The following KLF6 variants were observed in gnomAD, a reference collection of about 807,000 sequenced individuals.
The protein encoded by KLF6 is Krueppel-like factor 6.
For missense variants in KLF6, 233 were observed against 359.8 expected, an observed-to-expected ratio of 0.65 and a Z score of 2.85; for synonymous variants, 152 against 147.9, an observed-to-expected ratio of 1.03 and a Z score of -0.20.
At position 3,777,398 on chromosome 10, in the gene KLF6, T is replaced by A. The variant is rs1481673368; in HGVS notation, c.*2141A>T. The A allele has an allele frequency of 2.0e-6, 1 of 511,256 alleles. No individual in the cohort carries two copies. The highest frequency in any genetic ancestry group is 2.3e-5 in the Admixed American group (1 of 44,260). The allele number at this position is 511,256 out of a possible 1,614,324, so 31.7% of individuals were successfully genotyped here. A position where few individuals can be genotyped will look rare whatever the true frequency, so the allele number is the denominator to read the frequency against. ...GTGTTCTACAAAAGAATCCCTGTGG[T>A]TAGCTTACTCTTAGGTTAGATCTTC... On this transcript the variant is annotated 3_prime_UTR_variant, in exon 4 of 4. Coordinates refer to ENST00000497571, the MANE Select transcript of KLF6 (RefSeq NM_001300.6).
rs1028325212 is a variant in KLF6, at chr10:3,777,302, C to T, written c.*2237G>A. ...CTGTCCACGCCGTGGTATGCCAATT[C>T]GGGGAAATTACTCCTTGGAAAAACT... On this transcript the variant is annotated 3_prime_UTR_variant, in exon 4 of 4. Transcript: ENST00000497571. 1 of 513,928 alleles carries T rather than the reference C, an allele frequency of 1.9e-6. No individual in the cohort carries two copies. Among genetic ancestry groups the T allele is most frequent in the African/African-American group, 1.9e-5 (1 of 52,604 alleles). The allele number at this position is 513,928 out of a possible 1,614,324, so 31.8% of individuals were successfully genotyped here.
chr10:3,783,864 G>A (rs887428417), intron 1 of KLF6, among the ~76,000 whole-genome samples: 8 of 152,244 alleles, frequency 5.3e-5, no homozygotes, highest in Admixed American at 3.3e-4. Context: ...ACGCCCGAAG[G>A]AAACTACTTA....
chr10:3,780,535 C>T lies in KLF6; in HGVS notation c.677-306G>A, dbSNP rs1236823606. ...AAATGCTTGCGGGATGAGGTGTCAG[C>T]CTGCCGGACCCACAGCCCCGGCAAA... On this transcript the variant is annotated intron_variant, in intron 2 of 3. Transcript: ENST00000497571. The surrounding 1 kb of genome is among the most constrained non-coding windows in gnomAD (Gnocchi z 4.6). 8.9e-6 allele frequency: 4 copies of T among 450,236 alleles called. No homozygotes were observed. Among genetic ancestry groups the T allele is most frequent in the Non-Finnish European group, 1.7e-5 (4 of 241,258 alleles). The allele number at this position is 450,236 out of a possible 1,614,324, so 27.9% of individuals were successfully genotyped here.
rs984457562 is a variant in KLF6, at chr10:3,777,480, C to G, written c.*2059G>C. Reference sequence around the variant, plus strand: ...AGTGTGTCCGAGTCCAGCCTGGGTTCCAGCATTCTGTTCAGGCCACTTCTG... The same window carrying G: ...AGTGTGTCCGAGTCCAGCCTGGGTTGCAGCATTCTGTTCAGGCCACTTCTG... On this transcript the variant is annotated 3_prime_UTR_variant, in exon 4 of 4. Coordinates refer to ENST00000497571, the MANE Select transcript of KLF6 (RefSeq NM_001300.6). 5 of 512,502 alleles carry G rather than the reference C, an allele frequency of 9.8e-6. No individual in the cohort carries two copies. Among genetic ancestry groups the G allele is most frequent in the African/African-American group, 9.5e-5 (5 of 52,628 alleles). 31.7% of individuals were successfully genotyped at this position (512,502 alleles called of 1,614,324 possible).
Position 3,777,803 on chromosome 10 carries a change from A to G in KLF6, c.*1736T>C. On this transcript the variant is annotated 3_prime_UTR_variant, in exon 4 of 4. Coordinates refer to ENST00000497571, the MANE Select transcript of KLF6 (RefSeq NM_001300.6). ...ATACACATACTGTACACACAAATAT[A>G]CATACACAAGAATTCTGCCCACTTT... The G allele has an allele frequency of 2.1e-6, 1 of 473,776 alleles. No homozygotes were observed. Among genetic ancestry groups the G allele is most frequent in the Non-Finnish European group, 4.2e-6 (1 of 240,378 alleles). The allele number at this position is 473,776 out of a possible 1,614,324, so 29.3% of individuals were successfully genotyped here.
chr10:3,778,788 A>G lies in KLF6; in HGVS notation c.*751T>C, dbSNP rs1221491757. The G allele has an allele frequency of 5.6e-6, 3 of 531,642 alleles. No homozygotes were observed. The highest frequency in any genetic ancestry group is 1.1e-5 in the Non-Finnish European group (3 of 274,718). The allele number at this position is 531,642 out of a possible 1,614,324, so 32.9% of individuals were successfully genotyped here. ...TGCATGACTTTTTGTATTCTAAGGAAAAGTTAAATTGTTGTGTTATATTTG... is the reference window on the plus strand; with the variant it reads ...TGCATGACTTTTTGTATTCTAAGGAGAAGTTAAATTGTTGTGTTATATTTG... On this transcript the variant is annotated 3_prime_UTR_variant, in exon 4 of 4. Transcript: ENST00000497571.
rs1430505212 is a variant in KLF6 at position 3,776,166 on chromosome 10, G to A, written c.*3373C>T. On this transcript the variant is annotated 3_prime_UTR_variant, in exon 4 of 4. Transcript: ENST00000497571. Reference sequence around the variant, plus strand: ...GGAAGGTAGGCCCAGCTCTAGCTGCGGAACTGGAGCAGGCTGTGGAGGCAC... The same window carrying A: ...GGAAGGTAGGCCCAGCTCTAGCTGCAGAACTGGAGCAGGCTGTGGAGGCAC... 9 of 530,754 alleles carry A rather than the reference G, an allele frequency of 1.7e-5. No individual in the cohort carries two copies. The highest frequency in any genetic ancestry group is 7.7e-5 in the South Asian group (5 of 65,152). 32.9% of individuals were successfully genotyped at this position (530,754 alleles called of 1,614,324 possible).
In KLF6 at chr10:3,777,738, T is replaced by G. The variant is rs1283976468; in HGVS notation, c.*1801A>C. On this transcript the variant is annotated 3_prime_UTR_variant, in exon 4 of 4. Coordinates refer to ENST00000497571, the MANE Select transcript of KLF6 (RefSeq NM_001300.6). ...TCTAGTTTCTCCTTAAAAAAAATAT[T>G]TATATATTATCTATATATATAATAT... The G allele has an allele frequency of 1.2e-5, 4 of 332,226 alleles. No individual in the cohort carries two copies. The highest frequency in any genetic ancestry group is 2.3e-5 in the Non-Finnish European group (4 of 174,008). 20.6% of individuals were successfully genotyped at this position (332,226 alleles called of 1,614,324 possible). A position where few individuals can be genotyped will look rare whatever the true frequency, so the allele number is the denominator to read the frequency against.
rs1206904490 is a variant in KLF6, at chr10:3,778,662, G to C, written c.*877C>G. On this transcript the variant is annotated 3_prime_UTR_variant, in exon 4 of 4. Transcript: ENST00000497571. ...ATATTGCCAGGCCCGGATGGCTAGG[G>C]GGTCACTGTATTAGACAGATTGGAT... 2 of 521,412 alleles carry C rather than the reference G, an allele frequency of 3.8e-6. No individual in the cohort carries two copies. The highest frequency in any genetic ancestry group is 2.3e-5 in the Admixed American group (1 of 44,130). The allele number at this position is 521,412 out of a possible 1,614,324, so 32.3% of individuals were successfully genotyped here. A position where few individuals can be genotyped will look rare whatever the true frequency, so the allele number is the denominator to read the frequency against.
rs121909144 is a variant in KLF6 at position 3,781,852 on chromosome 10, G to A, written c.465C>T (p.Ser155=). Residue 155 remains serine (S), a synonymous_variant, in exon 2 of 4, where the codon AGC becomes AGT. Coordinates refer to ENST00000497571, the MANE Select transcript of KLF6 (RefSeq NM_001300.6). This position sits in a 1 kb window ranked among gnomAD's most constrained non-coding sequence, Gnocchi z 5.8. ...AACCCCACAGTTGAGAAGGTTCCCTGCTCAGTTCCGGAGAAGATGGAGGCG... is the reference window on the plus strand; with the variant it reads ...AACCCCACAGTTGAGAAGGTTCCCTACTCAGTTCCGGAGAAGATGGAGGCG... ...TSTPPSSPEL[S]REPSQLWGCV... The A allele has an allele frequency of 1.2e-6, 2 of 1,614,214 alleles. No homozygotes were observed. The highest frequency in any genetic ancestry group is 1.7e-6 in the Non-Finnish European group (2 of 1,180,030).
Position 3,781,881 on chromosome 10 carries a change from A to T in KLF6, c.436T>A (p.Ser146Thr), listed in dbSNP as rs1405050966. 2.5e-6 allele frequency: 4 copies of T among 1,614,202 alleles called. No homozygotes were observed. The South Asian group carries it at 4.4e-5, about 18-fold the overall frequency. ...AGTTCCGGAGAAGATGGAGGCGTGG[A>T]GGTGACAGAGGAGCTCAATTTTCCC... is the stretch of plus-strand genomic sequence containing the variant. The part of the protein sequence containing the change: ...SSGKLSSSVT[S>T]TPPSSPELSR... Residue 146 changes from serine to threonine, a missense_variant, in exon 2 of 4, where the codon TCC becomes ACC. Ser to Thr is a moderately conservative substitution (Grantham distance 58, BLOSUM62 1). Coordinates refer to ENST00000497571, the MANE Select transcript of KLF6 (RefSeq NM_001300.6). The surrounding 1 kb of genome is among the most constrained non-coding windows in gnomAD (Gnocchi z 5.8).
At position 3,780,088 on chromosome 10, in the gene KLF6, T is replaced by C. The variant is rs763866752; in HGVS notation, c.800+18A>G. The C allele has an allele frequency of 5.6e-6, 9 of 1,614,104 alleles. No individual in the cohort carries two copies. The highest frequency in any genetic ancestry group is 3.3e-4 in the Middle Eastern group (2 of 6,062). ...AAGGCCCCACGCTCCTTGCCCAGCA[T>C]TGTCCTCAGGCACGTACCTGTCACA... On this transcript the variant is annotated intron_variant, in intron 3 of 3. Transcript: ENST00000497571. The surrounding 1 kb of genome is among the most constrained non-coding windows in gnomAD (Gnocchi z 4.6).
intron 1 of KLF6, among the ~76,000 whole-genome samples, chr10:3,784,155 A>T (rs1832595165): frequency 6.6e-6 from 1 of 152,202 alleles, no homozygotes; most frequent in South Asian, 2.1e-4. Context: ...GAGGAGTGTC[A>T]GTCTCTCTCC....
Position 3,776,774 on chromosome 10 carries a change from T to C in KLF6, c.*2765A>G, listed in dbSNP as rs1304510112. On this transcript the variant is annotated 3_prime_UTR_variant, in exon 4 of 4. Transcript: ENST00000497571. ...TTTCAAGCAAAAAGTTTCTGCTTGA[T>C]TGAGGCTCAGTTATCACCTGAACAG... is the stretch of plus-strand genomic sequence containing the variant. 2.0e-6 allele frequency: 1 copy of C among 501,032 alleles called. No individual in the cohort carries two copies. The highest frequency in any genetic ancestry group is 1.9e-5 in the African/African-American group (1 of 51,802). 31.0% of individuals were successfully genotyped at this position (501,032 alleles called of 1,614,324 possible). A position where few individuals can be genotyped will look rare whatever the true frequency, so the allele number is the denominator to read the frequency against.
intron 1 of KLF6, among the ~76,000 whole-genome samples, chr10:3,784,055 C>T (rs1194056210): frequency 6.6e-6 from 1 of 152,182 alleles, no homozygotes; most frequent in Non-Finnish European, 1.5e-5. Flanking sequence ...TCTATTTGAT[C>T]TGGCAATTCA....
At position 3,779,340 on chromosome 10, in the gene KLF6, C is replaced by T. The variant is rs1231583839; in HGVS notation, c.*199G>A. ...TACCAGTGGCGAGTCCAGGGTCACC[C>T]ACATACCATGCACCACGGGTGCTAT... On this transcript the variant is annotated 3_prime_UTR_variant, in exon 4 of 4. Transcript: ENST00000497571. 1.5e-6 allele frequency: 1 copy of T among 681,114 alleles called. No homozygotes were observed. Among genetic ancestry groups the T allele is most frequent in the Non-Finnish European group, 2.7e-6 (1 of 372,544 alleles). The allele number at this position is 681,114 out of a possible 1,614,324, so 42.2% of individuals were successfully genotyped here. A position where few individuals can be genotyped will look rare whatever the true frequency, so the allele number is the denominator to read the frequency against.
rs1261452569 is a variant in KLF6 at position 3,779,491 on chromosome 10, T to A, written c.*48A>T. The A allele has an allele frequency of 6.6e-7, 1 of 1,526,642 alleles. No homozygotes were observed. The highest frequency in any genetic ancestry group is 9.1e-7 in the Non-Finnish European group (1 of 1,100,102). 94.6% of individuals were successfully genotyped at this position (1,526,642 alleles called of 1,614,324 possible). Reference sequence around the variant, plus strand: ...ACGCATCCCTCCTTCCACGGCCGGCTCTCAGCCTGGAAGCCTTTTAGCCTA... The same window carrying A: ...ACGCATCCCTCCTTCCACGGCCGGCACTCAGCCTGGAAGCCTTTTAGCCTA... On this transcript the variant is annotated 3_prime_UTR_variant, in exon 4 of 4. Transcript: ENST00000497571.
chr10:3,784,797 G>A (rs570342363), intron 1 of KLF6, 116 bp downstream of exon 1: 85 of 970,760 alleles, frequency 8.8e-5, no homozygotes, highest in Non-Finnish European at 1.1e-4. Flanking sequence ...CGCTCCCCCG[G>A]TGACAGCGCG....
At position 3,777,763 on chromosome 10, in the gene KLF6, T is replaced by C. The variant is rs1173926104; in HGVS notation, c.*1776A>G. The C allele has an allele frequency of 6.6e-6, 2 of 304,082 alleles. No individual in the cohort carries two copies. The highest frequency in any genetic ancestry group is 4.7e-5 in the Admixed American group (1 of 21,146). 18.8% of individuals were successfully genotyped at this position (304,082 alleles called of 1,614,324 possible). A position where few individuals can be genotyped will look rare whatever the true frequency, so the allele number is the denominator to read the frequency against. ...TTATATATTATCTATATATATAATA[T>C]ATATATATACACACATACACATACT... On this transcript the variant is annotated 3_prime_UTR_variant, in exon 4 of 4. Transcript: ENST00000497571.
Sources: gnomAD v4.1 joint callset for allele counts (sites outside exome capture counted in the v4.1 genomes callset) on GRCh38, gnomAD v4.1.1 for gene constraint, Gnocchi (gnomAD v3.1) non-coding constraint, MANE v1.5 for transcripts, NCBI Gene and HGNC (gene_info 2026-07-23, HGNC 2026-07-21) for gene names.